The following RBFOX1 variants were observed in gnomAD, a reference collection of about 807,000 sequenced individuals.
The protein encoded by RBFOX1 is RNA binding protein fox-1 homolog 1.
In RBFOX1, 8 loss-of-function variants were observed where a neutral mutation model predicts 57.7. That is an observed-to-expected ratio of 0.14 (90% confidence interval 0.08 to 0.25). The LOEUF is 0.25. RBFOX1 is among the 10% of genes least tolerant of loss of function. RBFOX1 has a pLI of 1.00. For missense variants in RBFOX1, 611 were observed against 548.5 expected (o/e 1.11, Z -1.14); for synonymous variants, 326 against 222.4 (o/e 1.47, Z -4.15).
chr16:5,367,983 T>G (rs929652077), intron 1 of RBFOX1, among the ~76,000 whole-genome samples: 2 of 152,194 alleles, frequency 1.3e-5, no homozygotes, highest in Non-Finnish European at 2.9e-5. Context: ...AATGAGACGT[T>G]ATGGGTTCCA....
rs551808531 is a variant in RBFOX1 at position 6,948,276 on chromosome 16, A to G, written c.-15-103781A>G. ...ATGAGACCATATCTGAAAGAAAAAC[A>G]TAAAATAAAAATTTTAATTTAAAAC... On this transcript the variant is annotated intron_variant, in intron 3 of 15. Transcript: ENST00000550418. 5.2e-4 allele frequency among the ~76,000 whole-genome samples: 79 copies of G among 152,154 alleles called. 1 individual carries two copies. The South Asian group carries it at 8.1e-3, about 16-fold the overall frequency.
At chr16:6,431,907 TTCTTTCTTTCTTTC>T (rs1219149331) in intron 2 of RBFOX1, among the ~76,000 whole-genome samples, 2 of 110,332 alleles carry the variant, frequency 1.8e-5, no homozygotes, top group Non-Finnish European at 4.1e-5. Context: ...CTTTCTTTCT[TTCTTTCTTTCTTTC>T]TTTCTTTCTT....
At chr16:5,965,586 A>G (rs180820520) in intron 4 of RBFOX1, among the ~76,000 whole-genome samples, 19 of 152,254 alleles carry the variant, frequency 1.2e-4, no homozygotes, top group African/African-American at 3.9e-4. Context: ...GGAAAGCCCA[A>G]CATTTTTAAT....
chr16:7,191,006 G>T lies in RBFOX1; in HGVS notation c.27+138908G>T, dbSNP rs553993376. On this transcript the variant is annotated intron_variant, in intron 4 of 15. Transcript: ENST00000550418. ...GCCCAGGAATGCGAAGTGTATGCCT[G>T]TCTCCCACCCCCACATAGTGTCTAG... Among the ~76,000 whole-genome samples the T allele has an allele frequency of 2.0e-5, 3 of 151,926 alleles. No individual in the cohort carries two copies. In the South Asian group the frequency reaches 6.2e-4, roughly 32 times the overall value.
intron 14 of RBFOX1, among the ~76,000 whole-genome samples, chr16:7,699,596 G>A (rs554203303): frequency 5.3e-5 from 8 of 152,312 alleles, no homozygotes; most frequent in African/African-American, 1.4e-4. Context: ...TCCACACCAG[G>A]ATGAGTTGTA....
chr16:5,926,402 T>G (rs1401285745), intron 4 of RBFOX1, among the ~76,000 whole-genome samples: 2 of 151,896 alleles, frequency 1.3e-5, no homozygotes, highest in Non-Finnish European at 2.9e-5. Flanking sequence ...TGTGGTGAAA[T>G]TTGGAGTTGT....
chr16:7,255,105 A>G (rs1343652353), intron 4 of RBFOX1, among the ~76,000 whole-genome samples: 4 of 152,200 alleles, frequency 2.6e-5, no homozygotes, highest in East Asian at 1.9e-4. Flanking sequence ...AGTATCCCCA[A>G]TGTGCCAAAA....
rs906140930 is a variant in RBFOX1, at chr16:7,397,290, T to C, written c.28-120857T>C. Among the ~76,000 whole-genome samples, 48 of 152,206 alleles carry C rather than the reference T, an allele frequency of 3.2e-4. 1 individual carries two copies. Among genetic ancestry groups the C allele is most frequent in the Non-Finnish European group, 1.5e-5 (1 of 68,036 alleles). Reference sequence around the variant, plus strand: ...TTAAATCTGGGGTGTATTTAAAATGTAATTGAAATCACAAGATATTTAACA... The same window carrying C: ...TTAAATCTGGGGTGTATTTAAAATGCAATTGAAATCACAAGATATTTAACA... On this transcript the variant is annotated intron_variant, in intron 4 of 15. Transcript: ENST00000550418.
intron 2 of RBFOX1, among the ~76,000 whole-genome samples, chr16:6,621,917 G>A (rs974850310): frequency 1.3e-5 from 2 of 152,168 alleles, no homozygotes; most frequent in East Asian, 3.9e-4. Flanking sequence ...AAAAGTAACT[G>A]AAGAGCTAAG....
intron 4 of RBFOX1, among the ~76,000 whole-genome samples, chr16:7,230,824 C>T (rs987361127): frequency 6.6e-6 from 1 of 152,124 alleles, no homozygotes; most frequent in Non-Finnish European, 1.5e-5. Context: ...TTGTTTTTAC[C>T]CTGCAGAGCT....
chr16:7,128,728 T>C (rs1188539534), intron 4 of RBFOX1, among the ~76,000 whole-genome samples: 1 of 152,106 alleles, frequency 6.6e-6, no homozygotes, highest in African/African-American at 2.4e-5. Flanking sequence ...AGGATGTTCA[T>C]GGTCATATCA....
chr16:6,500,957 G>T (rs42189), intron 2 of RBFOX1, among the ~76,000 whole-genome samples: 1 of 144,482 alleles, frequency 6.9e-6, no homozygotes, highest in African/African-American at 2.6e-5. Context: ...TGCTGGACCA[G>T]CCATGTTCCT....
At chr16:7,366,703 A>G (rs1480460780) in intron 4 of RBFOX1, among the ~76,000 whole-genome samples, 5 of 151,506 alleles carry the variant, frequency 3.3e-5, no homozygotes, top group Non-Finnish European at 7.4e-5. Context: ...GCTAAGCCCT[A>G]TTAAAATGGT....
At chr16:6,832,160 A>T (rs1275865379) in intron 3 of RBFOX1, among the ~76,000 whole-genome samples, 3 of 152,192 alleles carry the variant, frequency 2.0e-5, no homozygotes, top group Non-Finnish European at 2.9e-5. Flanking sequence ...CTTTGTTCCT[A>T]AATTCATCTT....
At chr16:6,925,205 C>G (rs975991267) in intron 3 of RBFOX1, among the ~76,000 whole-genome samples, 5 of 126,920 alleles carry the variant, frequency 3.9e-5, no homozygotes, top group African/African-American at 1.5e-4. Flanking sequence ...ATGATCTCAG[C>G]TCACTGAAGC....
At chr16:6,511,913 A>C (rs1434241137) in intron 2 of RBFOX1, among the ~76,000 whole-genome samples, 3 of 152,080 alleles carry the variant, frequency 2.0e-5, no homozygotes. Flanking sequence ...TCTATTTCAT[A>C]AAGTTCAGAT....
intron 2 of RBFOX1, among the ~76,000 whole-genome samples, chr16:5,538,269 C>A (rs1196162605): frequency 6.6e-6 from 1 of 152,060 alleles, no homozygotes; most frequent in African/African-American, 2.4e-5. Context: ...GTCAATAAGC[C>A]CTTTGAGCCT....
rs184359137 is a variant in RBFOX1, at chr16:5,892,959, A to C, written c.351+25624A>C. 1.7e-3 allele frequency among the ~76,000 whole-genome samples: 260 copies of C among 152,316 alleles called. 1 individual carries two copies. Among genetic ancestry groups the C allele is most frequent in the African/African-American group, 5.9e-3 (247 of 41,572 alleles). On this transcript the variant is annotated intron_variant, in intron 4 of 19. Transcript: ENST00000641259. ...AAAGCTGGCCTTCTCCCAATGTTCAACGAAGTCTTCCCAAGGGTAAAGAGG... is the reference window on the plus strand; with the variant it reads ...AAAGCTGGCCTTCTCCCAATGTTCACCGAAGTCTTCCCAAGGGTAAAGAGG...
rs567106896 is a variant in RBFOX1, at chr16:6,118,793, C to G, written c.-127+98801C>G. On this transcript the variant is annotated intron_variant, in intron 1 of 15. Coordinates refer to ENST00000550418, the MANE Select transcript of RBFOX1 (RefSeq NM_018723.4). ...CCTCTCTTTCTCCCTCTCTTTCTCT[C>G]TCTCCTTCCTTCCTTCCTTCCTTCC... 3.4e-5 allele frequency among the ~76,000 whole-genome samples: 5 copies of G among 147,110 alleles called. No individual in the cohort carries two copies. The East Asian group carries it at 5.9e-4, about 17-fold the overall frequency.
Sources: allele counts gnomAD v4.1 joint callset (sites outside exome capture counted in the v4.1 genomes callset), GRCh38; gene constraint gnomAD v4.1.1; transcripts MANE v1.5; gene names NCBI Gene and HGNC (gene_info 2026-07-23, HGNC 2026-07-21).